The following PKNOX2 variants were observed in gnomAD, a reference collection of about 807,000 sequenced individuals.
PKNOX2 encodes homeobox protein PKNOX2.
Under a neutral mutation model 53.1 loss-of-function variants are expected in PKNOX2, and 14 were observed. That is an observed-to-expected ratio of 0.26 (90% CI 0.17 to 0.41). The LOEUF (loss-of-function observed/expected upper bound fraction) is 0.41. Among genes scored for constraint, PKNOX2 ranks in the 10% least tolerant of loss-of-function variants. The probability of loss-of-function intolerance (pLI) is 1.00; values close to 1 mark genes in which losing one functional copy is unlikely to be tolerated. For synonymous variants in PKNOX2, 257 were observed against 242.8 expected, an observed-to-expected ratio of 1.06 and a Z score of -0.54; for missense variants, 496 against 602.8, an observed-to-expected ratio of 0.82 and a Z score of 1.85.
In PKNOX2 at chr11:125,351,360, G is replaced by A. The variant is rs765081247; in HGVS notation, c.55G>A (p.Val19Ile). The A allele has an allele frequency of 1.0e-5, 16 of 1,607,942 alleles. No homozygotes were observed. The South Asian group carries it at 1.7e-4, about 17-fold the overall frequency. ...PALTMMATQN[V>I]PPPPYQDSPQ... ...TCTGACGATGATGGCCACGCAGAAT[G>A]TCCCGCCCCCACCCTACCAGGACAG... Residue 19 changes from valine (V) to isoleucine (I), a missense_variant, in exon 4 of 13, where the codon GTC becomes ATC. Around this residue, in one of 5 missense-constraint regions of PKNOX2, gnomAD observed 168 missense variants for 178.4 expected, o/e 0.94. Transcript: ENST00000298282.
chr11:125,249,068 CACAT>C (rs1217712800), intron 2 of PKNOX2, among the ~76,000 whole-genome samples: 1 of 105,166 alleles, frequency 9.5e-6, no homozygotes, highest in East Asian at 2.6e-4. Context: ...ATATATATAA[CACAT>C]ATATACACAC....
intron 4 of PKNOX2, among the ~76,000 whole-genome samples, chr11:125,363,430 A>G (rs1952026414): frequency 6.6e-6 from 1 of 152,228 alleles, no homozygotes; most frequent in South Asian, 2.1e-4. Context: ...CACGTAGCTA[A>G]TAATTGGCAG....
chr11:125,256,698 C>T (rs1030156604), intron 2 of PKNOX2, among the ~76,000 whole-genome samples: 2 of 152,188 alleles, frequency 1.3e-5, no homozygotes, highest in African/African-American at 2.4e-5. Context: ...GACTTGGCAG[C>T]CCCCTGAGAG....
At chr11:125,421,283 AG>A (rs1385632214) in intron 10 of PKNOX2, among the ~76,000 whole-genome samples, 1 of 152,216 alleles carries the variant, frequency 6.6e-6, no homozygotes, top group Non-Finnish European at 1.5e-5. Flanking sequence ...AGGTTGCAAA[AG>A]GTTCTTTGAC....
chr11:125,179,854 T>C (rs1342469599), intron 1 of PKNOX2, among the ~76,000 whole-genome samples: 1 of 152,144 alleles, frequency 6.6e-6, no homozygotes, highest in Non-Finnish European at 1.5e-5. Context: ...GAGGTAAAAA[T>C]GAACAAATGC....
rs1591571612 is a variant in PKNOX2 at position 125,431,470 on chromosome 11, G to T, written c.*78G>T. Reference sequence around the variant, plus strand: ...AGGCCTTCAGGGTGGGGGGGAAGGGGACATGGGCAGGAAGCACCGAGGGAG... The same window carrying T: ...AGGCCTTCAGGGTGGGGGGGAAGGGTACATGGGCAGGAAGCACCGAGGGAG... On this transcript the variant is annotated 3_prime_UTR_variant, in exon 13 of 13. Coordinates refer to ENST00000298282, the MANE Select transcript of PKNOX2 (RefSeq NM_001382323.2). 3.5e-5 allele frequency: 10 copies of T among 282,762 alleles called. No individual in the cohort carries two copies. Among genetic ancestry groups the T allele is most frequent in the South Asian group, 1.0e-4 (3 of 29,944 alleles). 17.5% of individuals were successfully genotyped at this position (282,762 alleles called of 1,614,324 possible). A position where few individuals can be genotyped will look rare whatever the true frequency, so the allele number is the denominator to read the frequency against.
chr11:125,186,544 C>G (rs1164481879), intron 1 of PKNOX2, among the ~76,000 whole-genome samples: 1 of 152,086 alleles, frequency 6.6e-6, no homozygotes, highest in Admixed American at 6.5e-5. Flanking sequence ...CCCAGCTACT[C>G]AGGAGGTTGA....
At chr11:125,229,676 A>C (rs1210899918) in intron 1 of PKNOX2, among the ~76,000 whole-genome samples, 1 of 152,154 alleles carries the variant, frequency 6.6e-6, no homozygotes, top group Non-Finnish European at 1.5e-5. Context: ...AGTTGGGTTA[A>C]TGACAATGGG....
chr11:125,228,621 G>A (rs2135537655), intron 1 of PKNOX2, among the ~76,000 whole-genome samples: 1 of 152,326 alleles, frequency 6.6e-6, no homozygotes, highest in Non-Finnish European at 1.5e-5. Context: ...ACTTTCCCTG[G>A]AGGGTCATGT....
chr11:125,309,980 C>A (rs1040787783), intron 2 of PKNOX2, among the ~76,000 whole-genome samples: 1 of 152,158 alleles, frequency 6.6e-6, no homozygotes, highest in Non-Finnish European at 1.5e-5. Context: ...AAAACTCTTC[C>A]GGTTCCGCCA....
At chr11:125,180,874 G>A (rs1956123005) in intron 1 of PKNOX2, among the ~76,000 whole-genome samples, 3 of 152,182 alleles carry the variant, frequency 2.0e-5, no homozygotes, top group African/African-American at 4.8e-5. Flanking sequence ...TAAAATGAAT[G>A]TTTTCTGTCA....
At chr11:125,286,264 C>T (rs1333743203) in intron 2 of PKNOX2, among the ~76,000 whole-genome samples, 1 of 152,164 alleles carries the variant, frequency 6.6e-6, no homozygotes, top group Non-Finnish European at 1.5e-5. Flanking sequence ...AATAAGAGGG[C>T]TTCACAAATT....
chr11:125,302,350 A>G (rs1948136024), intron 2 of PKNOX2, among the ~76,000 whole-genome samples: 1 of 152,214 alleles, frequency 6.6e-6, no homozygotes, highest in Non-Finnish European at 1.5e-5. Context: ...CCAGCCCCTG[A>G]CAATCAAGTG....
At chr11:125,181,712 C>A (rs1253880647) in intron 1 of PKNOX2, among the ~76,000 whole-genome samples, 1 of 152,162 alleles carries the variant, frequency 6.6e-6, no homozygotes, top group African/African-American at 2.4e-5. Context: ...TTGGTGAGCC[C>A]CTCAGGATCT....
At chr11:125,182,633 C>T (rs1183984825) in intron 1 of PKNOX2, among the ~76,000 whole-genome samples, 4 of 152,224 alleles carry the variant, frequency 2.6e-5, no homozygotes, top group African/African-American at 7.2e-5. Flanking sequence ...TGAGCCATTA[C>T]ATTTATTCCC....
At chr11:125,178,298 G>A (rs748718786) in intron 1 of PKNOX2, among the ~76,000 whole-genome samples, 6 of 151,794 alleles carry the variant, frequency 4.0e-5, no homozygotes, top group Non-Finnish European at 7.4e-5. Context: ...GATCATCTCA[G>A]GTTGGGAGAT....
rs1226586664 is a variant in PKNOX2, at chr11:125,411,775, C to A, written c.846C>A (p.Asp282Glu). The A allele has an allele frequency of 1.9e-6, 3 of 1,614,170 alleles. No homozygotes were observed. Among genetic ancestry groups the A allele is most frequent in the Non-Finnish European group, 1.7e-6 (2 of 1,180,028 alleles). Residue 282 changes from aspartate (D) to glutamate (E), a missense_variant, in exon 10 of 13, where the codon GAC (aspartate) becomes GAA (glutamate). Coordinates refer to ENST00000298282, the MANE Select transcript of PKNOX2 (RefSeq NM_001382323.2). ...QVNLDLTSLL[D>E]NEDKKSKNKR... is the part of the protein sequence containing the mutation. ...ACCTTGACCTCACCTCCCTCCTGGA[C>A]AATGAGGATAAGAAGTCCAAGAACA... is the stretch of plus-strand genomic sequence containing the variant.
chr11:125,401,714 T>A (rs1427690160), intron 7 of PKNOX2, among the ~76,000 whole-genome samples: 1 of 151,714 alleles, frequency 6.6e-6, no homozygotes, highest in Non-Finnish European at 1.5e-5. Flanking sequence ...AGGAGGCAGG[T>A]CTTGGGTTCA....
chr11:125,247,411 G>A (rs1943644419), intron 2 of PKNOX2, among the ~76,000 whole-genome samples: 1 of 152,120 alleles, frequency 6.6e-6, no homozygotes, highest in South Asian at 2.1e-4. Context: ...CTCTACCAGA[G>A]GTGCCTAGCT....
Sources: gnomAD v4.1 joint callset for allele counts (sites outside exome capture counted in the v4.1 genomes callset) on GRCh38, gnomAD v4.1.1 for gene constraint, gnomAD v4.1.1 regional missense constraint, MANE v1.5 for transcripts, NCBI Gene and HGNC (gene_info 2026-07-23, HGNC 2026-07-21) for gene names.